The following GRIP1 variants were observed in gnomAD, a reference collection of about 807,000 sequenced individuals.
GRIP1 encodes the protein glutamate receptor-interacting protein 1.
In GRIP1, 45 loss-of-function variants were observed where a neutral mutation model predicts 129.9. The ratio of observed to expected loss-of-function variants is 0.35; its 90% CI spans 0.27 to 0.44. The LOEUF (loss-of-function observed/expected upper bound fraction) is 0.44. Ranked by LOEUF, GRIP1 falls within the 20% of genes least tolerant of loss-of-function variation. The pLI is 1.00. For missense variants in GRIP1, 1,196 were observed against 1,396.8 expected, an observed-to-expected ratio of 0.86 and a Z score of 2.29; for synonymous variants, 530 against 520.8, an observed-to-expected ratio of 1.02 and a Z score of -0.24.
intron 16 of GRIP1, among the ~76,000 whole-genome samples, chr12:66,398,349 G>A (rs1289965886): frequency 2.0e-5 from 3 of 151,882 alleles, no homozygotes; most frequent in Non-Finnish European, 4.4e-5. Flanking sequence ...CCCCCAGAGG[G>A]TCACGCCATT....
intron 4 of GRIP1, among the ~76,000 whole-genome samples, chr12:66,533,633 G>A (rs769188118): frequency 1.1e-4 from 17 of 151,896 alleles, no homozygotes; most frequent in Non-Finnish European, 2.2e-4. Flanking sequence ...TGACAAGAGC[G>A]AAACTCCATC....
intron 1 of GRIP1, among the ~76,000 whole-genome samples, chr12:66,737,344 C>T (rs1191882079): frequency 1.3e-5 from 2 of 152,106 alleles, no homozygotes; most frequent in Non-Finnish European, 1.5e-5. Context: ...AGTGCAGTGG[C>T]GCGATCTCAG....
Position 66,754,365 on chromosome 12 carries a change from C to A in GRIP1, c.-420+49688G>T, listed in dbSNP as rs563412583. Among the ~76,000 whole-genome samples, 6 of 152,294 alleles carry A rather than the reference C, an allele frequency of 3.9e-5. No homozygotes were observed. In the South Asian group the frequency reaches 1.2e-3, roughly 32 times the overall value. On this transcript the variant is annotated intron_variant, in intron 1 of 4. Transcript: ENST00000538373. ...CCAAGGTGTTTGTAAGTCTTATGTG[C>A]CCACTTCCCTCCAAAAGCTGCAACA...
intron 1 of GRIP1, among the ~76,000 whole-genome samples, chr12:66,890,493 C>G (rs1221480101): frequency 6.6e-6 from 1 of 152,130 alleles, no homozygotes; most frequent in Non-Finnish European, 1.5e-5. Context: ...CAGGTGAACA[C>G]AAGTCAAAAC....
chr12:66,522,071 G>A (rs7302623), intron 5 of GRIP1, among the ~76,000 whole-genome samples: 70,289 of 152,114 alleles, frequency 0.46, 16,558 homozygotes, highest in African/African-American at 0.54. Flanking sequence ...TCCACCTCTC[G>A]GGGCAGGGCA....
chr12:66,968,951 C>T (rs2042035192), intron 1 of GRIP1, among the ~76,000 whole-genome samples: 1 of 151,980 alleles, frequency 6.6e-6, no homozygotes, highest in Non-Finnish European at 1.5e-5. Context: ...GTGAGAAAGT[C>T]TTTATTTCTC....
chr12:66,471,250 G>A (rs1284808438), intron 7 of GRIP1, among the ~76,000 whole-genome samples: 3 of 152,196 alleles, frequency 2.0e-5, no homozygotes, highest in Non-Finnish European at 4.4e-5. Context: ...GAAACAACCA[G>A]GAAGAGTCTA....
intron 1 of GRIP1, among the ~76,000 whole-genome samples, chr12:66,618,504 C>G (rs1042558755): frequency 2.6e-5 from 4 of 152,004 alleles, no homozygotes; most frequent in African/African-American, 9.7e-5. Flanking sequence ...GTACTAGAAA[C>G]TACCTGCTTT....
chr12:66,489,355 G>A (rs1339510932), intron 7 of GRIP1, among the ~76,000 whole-genome samples: 3 of 152,058 alleles, frequency 2.0e-5, no homozygotes, highest in African/African-American at 7.2e-5. Context: ...CATCGCATAA[G>A]CAGCACTAAA....
At chr12:66,863,583 G>A (rs4526844) in intron 1 of GRIP1, among the ~76,000 whole-genome samples, 60,119 of 151,722 alleles carry the variant, frequency 0.4, 12,270 homozygotes, top group East Asian at 0.71. Context: ...GGAAAAAGTC[G>A]GTGTAAATGT....
At chr12:66,892,968 A>C (rs1199471807) in intron 1 of GRIP1, among the ~76,000 whole-genome samples, 2 of 152,114 alleles carry the variant, frequency 1.3e-5, no homozygotes, top group Non-Finnish European at 2.9e-5. Flanking sequence ...GCTGCCTCAT[A>C]AACAAAACAA....
At chr12:66,375,655 C>T (rs1480843521) in intron 22 of GRIP1, among the ~76,000 whole-genome samples, 3 of 152,122 alleles carry the variant, frequency 2.0e-5, no homozygotes, top group African/African-American at 7.2e-5. Flanking sequence ...ATGTCAAGGG[C>T]CACATCTGTC....
At position 66,484,559 on chromosome 12, in the gene GRIP1, G is replaced by A. The variant is rs188734808; in HGVS notation, c.725-19137C>T. 2.4e-3 allele frequency among the ~76,000 whole-genome samples: 360 copies of A among 152,314 alleles called. 2 individuals carry two copies. Among genetic ancestry groups the A allele is most frequent in the African/African-American group, 8.2e-3 (343 of 41,584 alleles). On this transcript the variant is annotated intron_variant, in intron 7 of 24. Transcript: ENST00000359742. ...ATGGGTCTGGATGACACTATGTTAA[G>A]TGAAGTATGCCACGCACAGAAAGAC...
At chr12:66,798,299 CAT>C (rs1223252726) in intron 1 of GRIP1, among the ~76,000 whole-genome samples, 2 of 152,044 alleles carry the variant, frequency 1.3e-5, no homozygotes, top group African/African-American at 4.8e-5. Flanking sequence ...CTCCACATGC[CAT>C]ATGTTACATC....
intron 1 of GRIP1, among the ~76,000 whole-genome samples, chr12:66,917,500 A>G (rs1050276604): frequency 1.3e-5 from 2 of 152,212 alleles, no homozygotes; most frequent in Non-Finnish European, 2.9e-5. Context: ...TAAAGAATAA[A>G]TTAGAGTTTA....
chr12:66,840,370 T>C (rs1408339749), intron 1 of GRIP1, among the ~76,000 whole-genome samples: 3 of 152,122 alleles, frequency 2.0e-5, no homozygotes, highest in East Asian at 1.9e-4. Context: ...ACTAATACAA[T>C]TGTGAAAACC....
chr12:67,027,714 T>G (rs571433056), intron 1 of GRIP1, among the ~76,000 whole-genome samples: 17 of 152,204 alleles, frequency 1.1e-4, no homozygotes, highest in African/African-American at 3.9e-4. Context: ...AAGAAGAATG[T>G]CAAGGCAATA....
At chr12:66,663,098 T>C (rs2033605891) in intron 1 of GRIP1, among the ~76,000 whole-genome samples, 1 of 152,218 alleles carries the variant, frequency 6.6e-6, no homozygotes, top group South Asian at 2.1e-4. Flanking sequence ...TTGATAATGT[T>C]CTGAGATCAA....
chr12:66,901,787 G>A (rs1476372141), intron 1 of GRIP1, among the ~76,000 whole-genome samples: 1 of 152,152 alleles, frequency 6.6e-6, no homozygotes, highest in Non-Finnish European at 1.5e-5. Flanking sequence ...GGAGCAACAG[G>A]AAGGGCAAAG....
Sources: allele counts gnomAD v4.1 joint callset (sites outside exome capture counted in the v4.1 genomes callset), GRCh38; gene constraint gnomAD v4.1.1; transcripts MANE v1.5; gene names NCBI Gene and HGNC (gene_info 2026-07-23, HGNC 2026-07-21).